The following TSPAN14 variants were observed in gnomAD, a reference collection of about 807,000 sequenced individuals.
TSPAN14 encodes tetraspanin 14, also known as tetraspanin-14.
Under a neutral mutation model 36.6 loss-of-function variants are expected in TSPAN14, and 16 were observed. The ratio of observed to expected loss-of-function variants is 0.44; its 90% CI spans 0.30 to 0.66. The LOEUF is 0.66. TSPAN14 is among the 30% of genes least tolerant of loss of function. The pLI, the probability that TSPAN14 is intolerant of heterozygous loss-of-function variation, is 0.12. For missense variants in TSPAN14, 231 were observed against 355.1 expected (o/e 0.65, Z 2.81); for synonymous variants, 139 against 143.8 (o/e 0.97, Z 0.24).
At position 80,476,439 on chromosome 10, in the gene TSPAN14, G is replaced by A. The variant is rs144021354; in HGVS notation, c.-17-12778G>A. ...TTTTTTTTTTTTTTTTTTTTGAGAC[G>A]GAGTCTTGCTCTGTCACCCAGGCTG... On this transcript the variant is annotated intron_variant, in intron 1 of 8. Transcript: ENST00000429989. Among the ~76,000 whole-genome samples the A allele has an allele frequency of 7.4e-3, 1,010 of 136,690 alleles. 20 individuals are homozygous for A. The highest frequency in any genetic ancestry group is 0.028 in the African/African-American group (944 of 34,312). The allele number at this position is 136,690 out of a possible 152,430, so 89.7% of individuals were successfully genotyped here.
chr10:80,505,289 C>T lies in TSPAN14; in HGVS notation c.132+511C>T, dbSNP rs1031093249. On this transcript the variant is annotated intron_variant, in intron 3 of 8. Transcript: ENST00000429989. ...AGAGGGGAGGAGTGGAGACCTGGCT[C>T]CTACTGTCGGGAAGGACATGGTGCA... Among the ~76,000 whole-genome samples the T allele has an allele frequency of 2.6e-5, 4 of 152,112 alleles. 1 individual carries two copies. Among genetic ancestry groups the T allele is most frequent in the Admixed American group, 1.3e-4 (2 of 15,276 alleles).
intron 1 of TSPAN14, among the ~76,000 whole-genome samples, chr10:80,463,302 G>GAAATAAAAATAAAA (rs1846074930): frequency 6.6e-6 from 1 of 152,068 alleles, no homozygotes; most frequent in East Asian, 1.9e-4. Flanking sequence ...ATTAATTTAG[G>GAAATAAAAATAAAA]TTTAACATTT....
intron 1 of TSPAN14, among the ~76,000 whole-genome samples, chr10:80,476,013 A>T (rs1044745950): frequency 1.1e-4 from 17 of 152,352 alleles, no homozygotes; most frequent in African/African-American, 4.1e-4. Context: ...GTATTTGCAT[A>T]TAACCTTCAC....
rs1001920695 is a variant in TSPAN14, at chr10:80,473,015, T to C, written c.-17-16202T>C. Among the ~76,000 whole-genome samples the C allele has an allele frequency of 3.3e-5, 5 of 152,222 alleles. No individual in the cohort carries two copies. The South Asian group carries it at 1.0e-3, about 32-fold the overall frequency. On this transcript the variant is annotated intron_variant, in intron 1 of 8. Transcript: ENST00000429989. ...CCCATGGTTTTTAGTGTGCACCTTG[T>C]GAAGCCTTCCTTTCCCCCAGCCACC...
At chr10:80,506,192 T>C (rs1246141355) in intron 3 of TSPAN14, among the ~76,000 whole-genome samples, 2 of 152,196 alleles carry the variant, frequency 1.3e-5, no homozygotes. Flanking sequence ...AGGCAGGTCT[T>C]GAGCTCCTGG....
chr10:80,458,009 GA>G (rs1374187743), intron 1 of TSPAN14, among the ~76,000 whole-genome samples: 1 of 152,200 alleles, frequency 6.6e-6, no homozygotes, highest in Non-Finnish European at 1.5e-5. Context: ...TGGCCTTTAA[GA>G]TGCCTATGGG....
At chr10:80,488,468 T>C (rs960006858) in intron 1 of TSPAN14, among the ~76,000 whole-genome samples, 3 of 151,804 alleles carry the variant, frequency 2.0e-5, no homozygotes, top group Non-Finnish European at 4.4e-5. Context: ...GGCTGTGTAA[T>C]CCAAGCTTCA....
chr10:80,459,664 C>T (rs1483160561), intron 1 of TSPAN14, among the ~76,000 whole-genome samples: 3 of 152,190 alleles, frequency 2.0e-5, no homozygotes, highest in Non-Finnish European at 4.4e-5. Flanking sequence ...CGTTGACAGT[C>T]CCAGCTGTTG....
At chr10:80,517,028 G>A (rs1350883834) in intron 8 of TSPAN14, among the ~76,000 whole-genome samples, 1 of 152,180 alleles carries the variant, frequency 6.6e-6, no homozygotes, top group African/African-American at 2.4e-5. Context: ...GAGAAACCAG[G>A]AGTCTTTCCA....
At chr10:80,504,858 C>G in intron 3 of TSPAN14, 80 bp downstream of exon 3, 1 of 1,458,942 alleles carries the variant, frequency 6.9e-7, no homozygotes. Flanking sequence ...CTCCTCCAAT[C>G]TGTTCCCTGA....
intron 6 of TSPAN14, among the ~76,000 whole-genome samples, chr10:80,512,885 TGTTG>T (rs1165014670): frequency 6.6e-6 from 1 of 151,084 alleles, no homozygotes; most frequent in African/African-American, 2.4e-5. Context: ...TTGTTGTTGT[TGTTG>T]TTGTTGTTGT....
intron 8 of TSPAN14, among the ~76,000 whole-genome samples, 185 bp from the exon 9 acceptor site, chr10:80,517,720 C>T (rs891557649): frequency 1.7e-4 from 26 of 152,286 alleles, no homozygotes; most frequent in Admixed American, 1.3e-3. Flanking sequence ...ACCCCAGGAC[C>T]CCTTTTTTGC....
chr10:80,500,123 T>G (rs1848413932), intron 2 of TSPAN14, among the ~76,000 whole-genome samples: 1 of 152,100 alleles, frequency 6.6e-6, no homozygotes, highest in African/African-American at 2.4e-5. Context: ...GGCAGATCAC[T>G]TCCCCTGTCT....
intron 1 of TSPAN14, among the ~76,000 whole-genome samples, chr10:80,480,618 A>G (rs1847214971): frequency 1.3e-5 from 2 of 152,348 alleles, no homozygotes; most frequent in South Asian, 2.1e-4. Flanking sequence ...TGATGAGTTC[A>G]TGTCCTTTGT....
chr10:80,512,058 C>A, intron 5 of TSPAN14, 86 bp from the exon 6 acceptor site: 2 of 1,582,202 alleles, frequency 1.3e-6, no homozygotes, highest in Non-Finnish European at 1.7e-6. Flanking sequence ...CAGACTTAGC[C>A]TGGCATCACT....
At chr10:80,510,848 T>TG (rs1293255326) in intron 5 of TSPAN14, among the ~76,000 whole-genome samples, 3 of 152,134 alleles carry the variant, frequency 2.0e-5, no homozygotes, top group Admixed American at 6.5e-5. Context: ...CAGTCCAGCC[T>TG]GGTCAACAGA....
At chr10:80,461,967 G>T (rs117006677) in intron 1 of TSPAN14, among the ~76,000 whole-genome samples, 3,422 of 151,670 alleles carry the variant, frequency 0.023, 51 homozygotes, top group Middle Eastern at 0.041. Flanking sequence ...AGGCTGGAGT[G>T]CAGTGGCCCT....
exon 9 of TSPAN14, chr10:80,518,524 A>G (rs1402599701): frequency 3.1e-5 from 5 of 160,300 alleles, no homozygotes; most frequent in African/African-American, 9.6e-5. Context: ...GGACATGCAC[A>G]TATCAGGGGT....
chr10:80,501,259 T>G (rs908687556), intron 2 of TSPAN14, among the ~76,000 whole-genome samples: 3 of 151,436 alleles, frequency 2.0e-5, no homozygotes, highest in African/African-American at 7.3e-5. Flanking sequence ...GGCATTTTTT[T>G]TTTTACAGCT....
Sources: allele counts gnomAD v4.1 joint callset (sites outside exome capture counted in the v4.1 genomes callset), GRCh38; gene constraint gnomAD v4.1.1; transcripts MANE v1.5; gene names NCBI Gene and HGNC (gene_info 2026-07-23, HGNC 2026-07-21).